The following TWIST2 variants were observed in gnomAD, a reference collection of about 807,000 sequenced individuals.
The protein encoded by TWIST2 is twist family bHLH transcription factor 2, also known as twist-related protein 2.
Under a neutral mutation model 11.6 loss-of-function variants are expected in TWIST2, and 1 was observed. The observed-to-expected ratio is 0.09, with a 90% CI of 0.03 to 0.41. TWIST2 has a LOEUF of 0.41. TWIST2 is among the 10% of genes least tolerant of loss of function. The pLI, the probability that TWIST2 is intolerant of heterozygous loss-of-function variation, is 0.98. For synonymous variants in TWIST2, 87 were observed against 96.6 expected (o/e 0.90, Z 0.58); for missense variants, 168 against 226.4 (o/e 0.74, Z 1.66).
chr2:238,860,420 C>G (rs1471569160), intron 1 of TWIST2, among the ~76,000 whole-genome samples: 2 of 152,270 alleles, frequency 1.3e-5, no homozygotes, highest in African/African-American at 2.4e-5. Flanking sequence ...GGCCAGAGAG[C>G]TGCTCTGAGT....
intron 1 of TWIST2, among the ~76,000 whole-genome samples, chr2:238,892,718 G>C (rs1440028208): frequency 6.6e-6 from 1 of 151,982 alleles, no homozygotes; most frequent in East Asian, 1.9e-4. Flanking sequence ...TGAAATCAGG[G>C]AATCTGCCTG....
Position 238,848,299 on chromosome 2 carries a change from C to T in TWIST2, c.84C>T (p.Arg28=), listed in dbSNP as rs1336260188. 5 of 1,533,330 alleles carry T rather than the reference C, an allele frequency of 3.3e-6. No homozygotes were observed. The highest frequency in any genetic ancestry group is 3.9e-5 in the Admixed American group (2 of 50,912). 95.0% of individuals were successfully genotyped at this position (1,533,330 alleles called of 1,614,324 possible). The change falls in exon 1 of 2, where the codon CGC becomes CGT. Residue 28 remains arginine, a synonymous_variant. Coordinates refer to ENST00000612363, the MANE Select transcript of TWIST2 (RefSeq NM_001271893.4). ...AGGAGCTCGAGAGGCAGCCCAAGCGCTTCGGCCGGAAGCGGCGCTACAGCA... is the reference window on the plus strand; with the variant it reads ...AGGAGCTCGAGAGGCAGCCCAAGCGTTTCGGCCGGAAGCGGCGCTACAGCA... The part of the protein sequence containing the change: ...SEEELERQPK[R]FGRKRRYSKK...
At chr2:238,882,856 T>G (rs1692962295) in intron 1 of TWIST2, among the ~76,000 whole-genome samples, 1 of 152,202 alleles carries the variant, frequency 6.6e-6, no homozygotes, top group South Asian at 2.1e-4. Flanking sequence ...CTTTCTGGGT[T>G]GCTCTGCTGG....
chr2:238,877,712 ACT>A (rs1022082522), intron 1 of TWIST2, among the ~76,000 whole-genome samples: 4 of 152,126 alleles, frequency 2.6e-5, no homozygotes, highest in Non-Finnish European at 5.9e-5. Context: ...ATTTATTAGG[ACT>A]CTGTTTGGAA....
intron 1 of TWIST2, among the ~76,000 whole-genome samples, chr2:238,892,565 C>G (rs1559282723): frequency 6.6e-6 from 1 of 152,142 alleles, no homozygotes; most frequent in Non-Finnish European, 1.5e-5. Flanking sequence ...ACTGCAACCT[C>G]CGCCTCCCAG....
chr2:238,868,112 C>G (rs968600223), intron 1 of TWIST2, among the ~76,000 whole-genome samples: 1 of 152,228 alleles, frequency 6.6e-6, no homozygotes, highest in South Asian at 2.1e-4. Flanking sequence ...CAGTGCCCCA[C>G]AAAGGTGGCA....
At chr2:238,853,477 G>GAGAGAGAA (rs1553566016) in intron 1 of TWIST2, among the ~76,000 whole-genome samples, 4 of 151,152 alleles carry the variant, frequency 2.6e-5, no homozygotes, top group African/African-American at 9.7e-5. Context: ...GAGAGAGAGA[G>GAGAGAGAA]AGAAACTCAA....
chr2:238,873,715 A>G (rs894321285), intron 1 of TWIST2, among the ~76,000 whole-genome samples: 4 of 152,198 alleles, frequency 2.6e-5, no homozygotes, highest in African/African-American at 9.6e-5. Context: ...GAGAGTCAGA[A>G]GCAAATCTGG....
At chr2:238,856,717 A>G (rs1327393561) in intron 1 of TWIST2, among the ~76,000 whole-genome samples, 1 of 152,004 alleles carries the variant, frequency 6.6e-6, no homozygotes, top group Non-Finnish European at 1.5e-5. Context: ...GCTGCTGGCC[A>G]TGGGAGACCC....
In TWIST2 at chr2:238,863,388, G is replaced by A. The variant is rs750707268; in HGVS notation, c.*35+14655G>A. ...CCATCATTTTCAGAAGAGGCCTTTC[G>A]TGTTAGGATAATTCAGAAGGATGCA... On this transcript the variant is annotated intron_variant, in intron 1 of 1. Coordinates refer to ENST00000612363, the MANE Select transcript of TWIST2 (RefSeq NM_001271893.4). The surrounding 1 kb of genome is among the most constrained non-coding windows in gnomAD (Gnocchi z 4.7). 1.3e-5 allele frequency among the ~76,000 whole-genome samples: 2 copies of A among 152,150 alleles called. No individual in the cohort carries two copies. The highest frequency in any genetic ancestry group is 2.9e-5 in the Non-Finnish European group (2 of 68,032).
At chr2:238,852,144 A>G (rs1024953007) in intron 1 of TWIST2, among the ~76,000 whole-genome samples, 2 of 151,506 alleles carry the variant, frequency 1.3e-5, no homozygotes, top group African/African-American at 2.4e-5. Flanking sequence ...TTAAAAAAAG[A>G]AAAAAAAACA....
At chr2:238,890,046 A>G (rs1408368473) in intron 1 of TWIST2, among the ~76,000 whole-genome samples, 1 of 152,192 alleles carries the variant, frequency 6.6e-6, no homozygotes, top group Non-Finnish European at 1.5e-5. Context: ...GCCTGCTCCC[A>G]GGGCTTAGTT....
Position 238,866,755 on chromosome 2 carries a change from G to A in TWIST2, c.*35+18022G>A, listed in dbSNP as rs1449943056. On this transcript the variant is annotated intron_variant, in intron 1 of 1. Coordinates refer to ENST00000612363, the MANE Select transcript of TWIST2 (RefSeq NM_001271893.4). The surrounding 1 kb of genome is among the most constrained non-coding windows in gnomAD (Gnocchi z 4.9). Reference sequence around the variant, plus strand: ...CTTGTGCCCGACAGGACTACCTCCAGTGTCCCCTCCTTGGGGAGCCTCTAA... The same window carrying A: ...CTTGTGCCCGACAGGACTACCTCCAATGTCCCCTCCTTGGGGAGCCTCTAA... Among the ~76,000 whole-genome samples, 2 of 152,170 alleles carry A rather than the reference G, an allele frequency of 1.3e-5. No individual in the cohort carries two copies. Among genetic ancestry groups the A allele is most frequent in the African/African-American group, 4.8e-5 (2 of 41,442 alleles).
intron 1 of TWIST2, among the ~76,000 whole-genome samples, chr2:238,861,611 C>T (rs1692437796): frequency 6.6e-6 from 1 of 152,162 alleles, no homozygotes; most frequent in Non-Finnish European, 1.5e-5. Flanking sequence ...GAAGGTGAGA[C>T]CGTGGTGTCA....
At chr2:238,908,539 A>C (rs1208861705) in intron 1 of TWIST2, among the ~76,000 whole-genome samples, 1 of 152,202 alleles carries the variant, frequency 6.6e-6, no homozygotes, top group Non-Finnish European at 1.5e-5. Flanking sequence ...ACATGTGAAT[A>C]AGCTCTTGGT....
chr2:238,857,509 G>A (rs933576087), intron 1 of TWIST2, among the ~76,000 whole-genome samples: 1 of 152,072 alleles, frequency 6.6e-6, no homozygotes, highest in Non-Finnish European at 1.5e-5. Context: ...AGACGATCAG[G>A]CCAGGCCACT....
intron 1 of TWIST2, among the ~76,000 whole-genome samples, chr2:238,898,765 G>A (rs1010867460): frequency 7.9e-5 from 12 of 152,248 alleles, no homozygotes; most frequent in African/African-American, 1.2e-4. Flanking sequence ...TGGGGTGGGG[G>A]CTGGATGGGC....
chr2:238,851,995 A>G (rs2106347679), intron 1 of TWIST2, among the ~76,000 whole-genome samples: 1 of 152,282 alleles, frequency 6.6e-6, no homozygotes, highest in South Asian at 2.1e-4. Flanking sequence ...GCCATTTGAG[A>G]TAGAATACTT....
At chr2:238,862,662 C>G (rs1692455098) in intron 1 of TWIST2, among the ~76,000 whole-genome samples, 1 of 152,138 alleles carries the variant, frequency 6.6e-6, no homozygotes. Context: ...AGATCTAGGA[C>G]TGGAAATACC....
Sources: gnomAD v4.1 joint callset for allele counts (sites outside exome capture counted in the v4.1 genomes callset) on GRCh38, gnomAD v4.1.1 for gene constraint, Gnocchi (gnomAD v3.1) non-coding constraint, MANE v1.5 for transcripts, NCBI Gene and HGNC (gene_info 2026-07-23, HGNC 2026-07-21) for gene names.